Variants in LTF observed in about 807,000 individuals in gnomAD.
LTF encodes epididymis luminal protein 110.
A neutral mutation model predicts 87.2 loss-of-function variants in LTF; 91 were observed. The observed-to-expected ratio is 1.04, with a 90% CI of 0.88 to 1.24. LTF has a LOEUF of 1.24. Among genes scored for constraint, LTF ranks in the 50% most tolerant of loss-of-function variants. LTF has a pLI of 0.00. For synonymous variants in LTF, 378 were observed against 356.1 expected (o/e 1.06, Z -0.69); for missense variants, 901 against 904.3 (o/e 1.00, Z 0.05).
At chr3:46,481,686 G>C (rs1391697448) in intron 1 of LTF, among the ~76,000 whole-genome samples, 2 of 152,204 alleles carry the variant, frequency 1.3e-5, no homozygotes, top group African/African-American at 4.8e-5. Context: ...GAAAGGCAGA[G>C]GTTGCAGGGA....
chr3:46,447,251 A>G (rs1702677211), intron 10 of LTF, 57 bp downstream of exon 10: 1 of 1,242,966 alleles, frequency 8.0e-7, no homozygotes, highest in Non-Finnish European at 1.2e-6. Flanking sequence ...GGGATTACTC[A>G]TAGCCCCACT....
chr3:46,448,832 C>T (rs1207687863), intron 9 of LTF, 31 bp downstream of exon 9: 1 of 1,605,424 alleles, frequency 6.2e-7, no homozygotes, highest in Non-Finnish European at 8.5e-7. Context: ...CCACCGGGCC[C>T]ACCGCCCGCC....
chr3:46,439,496 A>G lies in LTF; in HGVS notation c.1724-16T>C, dbSNP rs776214755. 1.9e-6 allele frequency: 3 copies of G among 1,589,668 alleles called. No individual in the cohort carries two copies. In the East Asian group the frequency reaches 6.7e-5, roughly 36 times the overall value. On this transcript the variant is annotated splice_polypyrimidine_tract_variant and intron_variant, in intron 14 of 16. Coordinates refer to ENST00000231751, the MANE Select transcript of LTF (RefSeq NM_002343.6). ...TTGTTATTTCCTGGGGAGAAAAAGA[A>G]GGTGGCATCATCCACGCCTCCCCTG...
At chr3:46,466,675 T>C (rs1297980628), upstream of LTF, among the ~76,000 whole-genome samples, 2 of 152,214 alleles carry the variant, frequency 1.3e-5, no homozygotes, top group African/African-American at 4.8e-5. Context: ...GGGTGACAGA[T>C]CCAAGGTCTC....
At position 46,437,923 on chromosome 3, in the gene LTF, A is replaced by C. The variant is rs983876845; in HGVS notation, c.2098+17T>G. 7 of 1,610,018 alleles carry C rather than the reference A, an allele frequency of 4.3e-6. No individual in the cohort carries two copies. The highest frequency in any genetic ancestry group is 5.9e-6 in the Non-Finnish European group (7 of 1,177,862). ...CCCATGGTGGTTTCTCGGGGATGCT[A>C]GCTAGGGTCTACTTACGGGAGGTTG... On this transcript the variant is annotated intron_variant, in intron 16 of 16. Transcript: ENST00000231751.
chr3:46,461,835 C>A (rs932648925), intron 1 of LTF, among the ~76,000 whole-genome samples: 3 of 152,054 alleles, frequency 2.0e-5, no homozygotes, highest in African/African-American at 2.4e-5. Context: ...AACAAACAAA[C>A]AAAAAAACAA....
chr3:46,441,533 G>T lies in LTF; in HGVS notation c.1656-50C>A, dbSNP rs145120678. 216 of 1,335,750 alleles carry T rather than the reference G, an allele frequency of 1.6e-4. 3 individuals carry two copies. The Middle Eastern group carries it at 0.012, about 73-fold the overall frequency. The allele number at this position is 1,335,750 out of a possible 1,614,324, so 82.7% of individuals were successfully genotyped here. On this transcript the variant is annotated intron_variant, in intron 13 of 16. Coordinates refer to ENST00000231751, the MANE Select transcript of LTF (RefSeq NM_002343.6). The stretch of plus-strand genomic sequence containing the variant: ...CATAATTACAGAAGAGAAACTAGTG[G>T]GGCTTTCATAAATATTTGTAATATG...
upstream of LTF, among the ~76,000 whole-genome samples, chr3:46,465,720 T>C (rs1029034497): frequency 9.8e-5 from 15 of 152,316 alleles, no homozygotes; most frequent in Admixed American, 7.2e-4. Flanking sequence ...GATTTTAAAA[T>C]TCAAAAGCTA....
rs184259120 is a variant in LTF, at chr3:46,443,654, G to A, written c.1514-72C>T. The A allele has an allele frequency of 6.5e-5, 99 of 1,511,656 alleles. No homozygotes were observed. The Admixed American group carries it at 8.1e-4, about 12-fold the overall frequency. The allele number at this position is 1,511,656 out of a possible 1,614,324, so 93.6% of individuals were successfully genotyped here. A position where few individuals can be genotyped will look rare whatever the true frequency, so the allele number is the denominator to read the frequency against. ...CACAAGCAACCTTTACCTAACAGCC[G>A]ATGCAGGGTGGTTTCAGTTCATTAG... On this transcript the variant is annotated intron_variant, in intron 12 of 16. Transcript: ENST00000231751.
chr3:46,446,847 G>C (rs1702666916), intron 10 of LTF, among the ~76,000 whole-genome samples: 1 of 152,208 alleles, frequency 6.6e-6, no homozygotes, highest in South Asian at 2.1e-4. Context: ...CACATGCTGT[G>C]TAATTCCTTT....
At chr3:46,449,105 C>G (rs1013244785) in intron 8 of LTF, 88 bp from the exon 9 acceptor site, 1 of 1,265,916 alleles carries the variant, frequency 7.9e-7, no homozygotes, top group Non-Finnish European at 1.1e-6. Context: ...TGCCCAGACT[C>G]TCCCTGGAAC....
chr3:46,469,678 C>A (rs885485), upstream of LTF: 58,057 of 152,262 alleles, frequency 0.38, 11,257 homozygotes, highest in East Asian at 0.51. Context: ...CCAAGTCCCC[C>A]CAAGATCCCA....
chr3:46,439,753 G>A (rs751908544), intron 14 of LTF, among the ~76,000 whole-genome samples: 3 of 152,182 alleles, frequency 2.0e-5, no homozygotes, highest in Non-Finnish European at 2.9e-5. Flanking sequence ...CCTCGAAAAC[G>A]ATGCTAAGTG....
chr3:46,439,274 C>T (rs374409981), intron 15 of LTF, 22 bp downstream of exon 15: 1 of 1,586,058 alleles, frequency 6.3e-7, no homozygotes, highest in Non-Finnish European at 8.6e-7. Flanking sequence ...TAAGAAAGCA[C>T]TAGAAGCCCT....
At chr3:46,446,166 C>G (rs1445164846) in intron 11 of LTF, among the ~76,000 whole-genome samples, 1 of 152,122 alleles carries the variant, frequency 6.6e-6, no homozygotes, top group East Asian at 1.9e-4. Flanking sequence ...ACTGTTTCCT[C>G]ATCCCCATGA....
At chr3:46,477,874 T>C (rs1703379680) in intron 1 of LTF, among the ~76,000 whole-genome samples, 2 of 152,140 alleles carry the variant, frequency 1.3e-5, no homozygotes, top group Non-Finnish European at 2.9e-5. Context: ...AGAGTTCCCT[T>C]TCCCCAGGCG....
chr3:46,481,779 C>A (rs1171569515), intron 1 of LTF, among the ~76,000 whole-genome samples: 2 of 152,138 alleles, frequency 1.3e-5, no homozygotes, highest in Admixed American at 1.3e-4. Context: ...TAAAAAACCA[C>A]CAACAGATGT....
Position 46,482,759 on chromosome 3 carries a change from G to GAGAA in LTF, c.-320+2223_-320+2226dup, listed in dbSNP as rs563840326. Reference sequence around the variant, plus strand: ...GGAAGGAAGGAAGGAAAGAAGGAAAGAGAAAGAAAGAAAGAAAGAAAAAGA... The same window carrying GAGAA: ...GGAAGGAAGGAAGGAAAGAAGGAAAGAGAAAGAAAGAAAGAAAGAAAGAAAAAGA... On this transcript the variant is annotated intron_variant, in intron 1 of 19. Coordinates refer to the LTF transcript ENST00000443496. Among the ~76,000 whole-genome samples the GAGAA allele has an allele frequency of 1.3e-3, 164 of 122,804 alleles. 3 individuals carry two copies. The highest frequency in any genetic ancestry group is 6.7e-3 in the South Asian group (22 of 3,298). 80.6% of individuals were successfully genotyped at this position (122,804 alleles called of 152,430 possible). A position where few individuals can be genotyped will look rare whatever the true frequency, so the allele number is the denominator to read the frequency against.
chr3:46,448,758 C>A, intron 9 of LTF, 105 bp downstream of exon 9: 1 of 1,385,142 alleles, frequency 7.2e-7, no homozygotes, highest in Non-Finnish European at 9.8e-7. Flanking sequence ...CTGCCTCACC[C>A]AGGCCCCCGT....
Sources: allele counts gnomAD v4.1 joint callset (sites outside exome capture counted in the v4.1 genomes callset), GRCh38; gene constraint gnomAD v4.1.1; transcripts MANE v1.5; gene names NCBI Gene and HGNC (gene_info 2026-07-23, HGNC 2026-07-21).